PAM: variants seen among roughly 807,000 people sequenced by gnomAD.
PAM encodes peptidylglycine alpha-amidating monooxygenase.
Under a neutral mutation model 122.1 loss-of-function variants are expected in PAM, and 72 were observed. The observed-to-expected ratio is 0.59, with a 90% CI of 0.49 to 0.72. The LOEUF (loss-of-function observed/expected upper bound fraction) is 0.72. Among genes scored for constraint, PAM ranks in the 30% least tolerant of loss-of-function variants. PAM has a pLI of 0.00. For missense variants in PAM, 1,106 were observed against 1,183.7 expected, an observed-to-expected ratio of 0.93 and a Z score of 0.96; for synonymous variants, 389 against 404.4, an observed-to-expected ratio of 0.96 and a Z score of 0.46.
intron 21 of PAM, among the ~76,000 whole-genome samples, chr5:103,013,904 A>G (rs1781306222): frequency 6.6e-6 from 1 of 152,196 alleles, no homozygotes; most frequent in Admixed American, 6.5e-5. Context: ...ATATAAACAA[A>G]TAAGATTTTT....
At chr5:102,766,887 G>T (rs1754106326) in intron 1 of PAM, among the ~76,000 whole-genome samples, 1 of 79,812 alleles carries the variant, frequency 1.3e-5, no homozygotes. Flanking sequence ...ATTTTTATGT[G>T]GACTTTTTGT....
intron 14 of PAM, among the ~76,000 whole-genome samples, chr5:102,966,306 G>A (rs1435236926): frequency 1.3e-5 from 2 of 152,092 alleles, no homozygotes; most frequent in African/African-American, 4.8e-5. Flanking sequence ...ATAGGCAGAT[G>A]TGAATGATCA....
chr5:102,784,212 C>G (rs1412288541), intron 1 of PAM, among the ~76,000 whole-genome samples: 2 of 152,114 alleles, frequency 1.3e-5, no homozygotes, highest in African/African-American at 4.8e-5. Context: ...CCATCTTTCT[C>G]TCTGTTCTTA....
At chr5:102,862,896 G>T (rs909257207) in intron 1 of PAM, among the ~76,000 whole-genome samples, 3 of 151,960 alleles carry the variant, frequency 2.0e-5, no homozygotes, top group African/African-American at 7.2e-5. Context: ...CCACTATGCT[G>T]TACAGGGTCT....
At chr5:102,936,664 A>G (rs1015833319) in intron 7 of PAM, among the ~76,000 whole-genome samples, 2 of 152,114 alleles carry the variant, frequency 1.3e-5, no homozygotes, top group African/African-American at 4.8e-5. Flanking sequence ...AATGAAAAGT[A>G]TTGTATATTT....
At chr5:102,807,169 C>T (rs924689198) in intron 1 of PAM, among the ~76,000 whole-genome samples, 1 of 152,036 alleles carries the variant, frequency 6.6e-6, no homozygotes, top group East Asian at 1.9e-4. Flanking sequence ...AAAAACATGT[C>T]AATGTAATAT....
intron 3 of PAM, among the ~76,000 whole-genome samples, chr5:102,876,762 T>C (rs1370379792): frequency 6.6e-6 from 1 of 152,204 alleles, no homozygotes; most frequent in Non-Finnish European, 1.5e-5. Flanking sequence ...TAGCTGGAAA[T>C]TACTGAAGCT....
intron 4 of PAM, among the ~76,000 whole-genome samples, chr5:102,912,403 C>T (rs887737052): frequency 2.0e-5 from 3 of 151,866 alleles, no homozygotes; most frequent in Non-Finnish European, 2.9e-5. Context: ...AAAATCGTAT[C>T]ACATACCAAA....
intron 1 of PAM, among the ~76,000 whole-genome samples, chr5:102,784,653 T>A (rs927286233): frequency 1.3e-5 from 2 of 152,244 alleles, no homozygotes; most frequent in African/African-American, 2.4e-5. Context: ...TAGAATTGAA[T>A]TAAAAATATA....
intron 1 of PAM, among the ~76,000 whole-genome samples, chr5:102,803,383 T>C (rs1426170673): frequency 1.3e-5 from 2 of 151,902 alleles, no homozygotes; most frequent in African/African-American, 4.8e-5. Context: ...GCCTGGAGAA[T>C]GTTAGGATGA....
rs574120605 is a variant in PAM, at chr5:102,962,328, A to G, written c.1162+1099A>G. Among the ~76,000 whole-genome samples, 15 of 151,990 alleles carry G rather than the reference A, an allele frequency of 9.9e-5. No homozygotes were observed. In the South Asian group the frequency reaches 2.7e-3, roughly 27 times the overall value. On this transcript the variant is annotated intron_variant, in intron 14 of 25. Transcript: ENST00000438793. ...AATGGCTGAGTAATTTAAAATAGCT[A>G]AATTTATCAATCCTGTTTATATATT...
intron 1 of PAM, among the ~76,000 whole-genome samples, chr5:102,784,474 C>T (rs1286362285): frequency 1.3e-5 from 2 of 152,190 alleles, no homozygotes; most frequent in East Asian, 3.9e-4. Flanking sequence ...CCTCCTTGTA[C>T]AGTACTTATT....
chr5:102,890,447 A>G (rs2151266260), intron 3 of PAM, among the ~76,000 whole-genome samples: 1 of 151,950 alleles, frequency 6.6e-6, no homozygotes, highest in African/African-American at 2.4e-5. Context: ...TGAATTTGTC[A>G]GTGGAAATAC....
intron 3 of PAM, among the ~76,000 whole-genome samples, chr5:102,876,934 GA>G (rs1463173757): frequency 6.6e-6 from 1 of 152,206 alleles, no homozygotes; most frequent in African/African-American, 2.4e-5. Flanking sequence ...TGAGCTGTTA[GA>G]AACTGTTAGT....
At chr5:103,026,359 G>A (rs1399549773) in intron 24 of PAM, among the ~76,000 whole-genome samples, 2 of 152,142 alleles carry the variant, frequency 1.3e-5, no homozygotes, top group African/African-American at 4.8e-5. Context: ...GGGATTCAGT[G>A]CCCTTGGCAA....
Position 103,029,051 on chromosome 5 carries a change from C to A in PAM, c.2908C>A (p.Pro970Thr). The change falls in exon 26 of 26, where the codon CCT becomes ACT. Residue 970 changes from proline to threonine, a missense_variant. This residue lies in a region of PAM where 333 missense variants were observed against 335.6 expected (regional missense o/e 0.99). Transcript: ENST00000438793. ...EYSAPLPALA[P>T]SSS Reference sequence around the variant, plus strand: ...TTCAGCACCTCTGCCTGCGCTCGCACCTTCCTCCTCCTGAAAACCAAGCTT... The same window carrying A: ...TTCAGCACCTCTGCCTGCGCTCGCAACTTCCTCCTCCTGAAAACCAAGCTT... 3 of 1,602,712 alleles carry A rather than the reference C, an allele frequency of 1.9e-6. No homozygotes were observed. The highest frequency in any genetic ancestry group is 1.1e-5 in the South Asian group (1 of 88,394).
At chr5:102,948,695 T>A (rs1301682980) in intron 9 of PAM, among the ~76,000 whole-genome samples, 2 of 152,096 alleles carry the variant, frequency 1.3e-5, no homozygotes, top group Non-Finnish European at 2.9e-5. Flanking sequence ...ATTATATAAA[T>A]TAAAGAATAA....
intron 1 of PAM, among the ~76,000 whole-genome samples, chr5:102,785,488 A>G (rs1760268316): frequency 1.3e-5 from 2 of 152,214 alleles, no homozygotes; most frequent in Admixed American, 1.3e-4. Context: ...TAGAAGTATC[A>G]TGTGGAGGTA....
In PAM at chr5:102,976,235, AAAT is replaced by A. The variant is rs530949903; in HGVS notation, c.1483+1802_1483+1804del. 5.0e-4 allele frequency among the ~76,000 whole-genome samples: 76 copies of A among 152,322 alleles called. 1 individual carries two copies. In the South Asian group the frequency reaches 0.013, roughly 26 times the overall value. On this transcript the variant is annotated intron_variant, in intron 15 of 25. Coordinates refer to ENST00000438793, the MANE Select transcript of PAM (RefSeq NM_001177306.2). The stretch of plus-strand genomic sequence containing the variant: ...TACTCTAATTACAAAAACTTTTAAA[AAAT>A]AAAATGCAAAACAGAAAAACTCATA...
Sources: allele counts gnomAD v4.1 joint callset (sites outside exome capture counted in the v4.1 genomes callset), GRCh38; gene constraint gnomAD v4.1.1; regional missense constraint gnomAD v4.1.1; transcripts MANE v1.5; gene names NCBI Gene and HGNC (gene_info 2026-07-23, HGNC 2026-07-21).